The following DOCK4 variants were observed in gnomAD, a reference collection of about 807,000 sequenced individuals.
The protein encoded by DOCK4 is dedicator of cytokinesis 4.
A neutral mutation model predicts 268.1 loss-of-function variants in DOCK4; 97 were observed. That is an observed-to-expected ratio of 0.36 (90% CI 0.31 to 0.43). The LOEUF (loss-of-function observed/expected upper bound fraction) is 0.43, where lower values mean the gene tolerates loss of function less well. Among genes scored for constraint, DOCK4 ranks in the 20% least tolerant of loss-of-function variants. The pLI is 1.00. For synonymous variants in DOCK4, 954 were observed against 887.2 expected, an observed-to-expected ratio of 1.08 and a Z score of -1.34; for missense variants, 2,145 against 2,455.7, an observed-to-expected ratio of 0.87 and a Z score of 2.67.
intron 52 of DOCK4, among the ~76,000 whole-genome samples, chr7:111,731,129 A>G (rs1048712720): frequency 6.6e-6 from 1 of 152,216 alleles, no homozygotes; most frequent in Non-Finnish European, 1.5e-5. Flanking sequence ...GTACTTCATA[A>G]TAACAGCTGC....
At chr7:112,098,115 C>G (rs1810319288) in intron 1 of DOCK4, among the ~76,000 whole-genome samples, 1 of 152,200 alleles carries the variant, frequency 6.6e-6, no homozygotes, top group Non-Finnish European at 1.5e-5. Context: ...CCATATACCT[C>G]TGCTCAAATT....
At chr7:112,160,196 ACT>A (rs1343192331) in intron 1 of DOCK4, among the ~76,000 whole-genome samples, 2 of 151,992 alleles carry the variant, frequency 1.3e-5, no homozygotes, top group Non-Finnish European at 2.9e-5. Context: ...AGTATATCCG[ACT>A]CTGTGACTCA....
intron 1 of DOCK4, among the ~76,000 whole-genome samples, chr7:112,094,533 T>C (rs1314072989): frequency 6.6e-6 from 1 of 152,200 alleles, no homozygotes; most frequent in Admixed American, 6.5e-5. Flanking sequence ...AAATGACAAC[T>C]GCCTATTAAA....
chr7:111,927,036 T>C (rs777567777), intron 12 of DOCK4, among the ~76,000 whole-genome samples: 5 of 152,226 alleles, frequency 3.3e-5, no homozygotes, highest in Admixed American at 6.5e-5. Context: ...TTATTGCTGA[T>C]TGCTTCTTTA....
At chr7:111,789,904 A>C (rs1274524489) in intron 31 of DOCK4, among the ~76,000 whole-genome samples, 1 of 152,218 alleles carries the variant, frequency 6.6e-6, no homozygotes, top group Admixed American at 6.5e-5. Flanking sequence ...TTTTGTAATA[A>C]GCCTGTTTTC....
rs999113478 is a variant in DOCK4 at position 112,159,850 on chromosome 7, TATAC to T, written c.37+46248_37+46251del. On this transcript the variant is annotated intron_variant, in intron 1 of 52. Transcript: ENST00000428084. Reference sequence around the variant, plus strand: ...ATTATGTATATATATACATAATATATATACATAATGTATATACATATACACATAT... The same window carrying T: ...ATTATGTATATATATACATAATATATATAATGTATATACATATACACATAT... 3.5e-5 allele frequency among the ~76,000 whole-genome samples: 5 copies of T among 144,516 alleles called. No homozygotes were observed. In the South Asian group the frequency reaches 1.0e-3, roughly 30 times the overall value. The allele number at this position is 144,516 out of a possible 152,430, so 94.8% of individuals were successfully genotyped here. A position where few individuals can be genotyped will look rare whatever the true frequency, so the allele number is the denominator to read the frequency against.
rs1200938065 is a variant in DOCK4, at chr7:111,981,669, G to A, written c.549+2637C>T. Among the ~76,000 whole-genome samples the A allele has an allele frequency of 5.9e-5, 9 of 152,292 alleles. No individual in the cohort carries two copies. The East Asian group carries it at 1.7e-3, about 29-fold the overall frequency. On this transcript the variant is annotated intron_variant, in intron 7 of 52. Coordinates refer to ENST00000428084, the MANE Select transcript of DOCK4 (RefSeq NM_001363540.2). ...ATAGTCAAGTGCAACCAGCACTGAG[G>A]AGAAAATAAGTTTTCATGTCAAATC...
At chr7:111,856,070 A>G (rs114576223) in intron 23 of DOCK4, among the ~76,000 whole-genome samples, 2,527 of 152,236 alleles carry the variant, frequency 0.017, 67 homozygotes, top group African/African-American at 0.055. Flanking sequence ...GGGAGACAGC[A>G]ATTCCCACTA....
At chr7:112,140,602 C>CAAAAA (rs35430125) in intron 1 of DOCK4, among the ~76,000 whole-genome samples, 1 of 108,382 alleles carries the variant, frequency 9.2e-6, no homozygotes, top group Non-Finnish European at 1.9e-5. Context: ...TGCTCCCCGA[C>CAAAAA]AAAAAAAAAA....
At position 111,822,442 on chromosome 7, in the gene DOCK4, C is replaced by G. The variant is rs774619177; in HGVS notation, c.2850G>C (p.Gln950His). ...TCAATATTCGGAACACAGTAAATAT[C>G]TGCAGCAGGAAATCCTTGGATAAGG... is the stretch of plus-strand genomic sequence containing the variant. ...TKEELRDFLL[Q>H]IFTVFRILIR... Residue 950 changes from glutamine (Q) to histidine (H), a missense_variant, in exon 27 of 53, where the codon CAG (glutamine) becomes CAC (histidine). Transcript: ENST00000428084. 4 of 1,612,814 alleles carry G rather than the reference C, an allele frequency of 2.5e-6. No homozygotes were observed. The highest frequency in any genetic ancestry group is 2.2e-5 in the South Asian group (2 of 90,644).
intron 1 of DOCK4, among the ~76,000 whole-genome samples, chr7:112,118,322 T>C (rs985361022): frequency 3.9e-5 from 6 of 152,174 alleles, no homozygotes; most frequent in Non-Finnish European, 7.3e-5. Flanking sequence ...AATCACTAAG[T>C]AATTTATTGT....
At chr7:112,129,314 A>G (rs560088916) in intron 1 of DOCK4, among the ~76,000 whole-genome samples, 2 of 152,348 alleles carry the variant, frequency 1.3e-5, no homozygotes, top group East Asian at 3.9e-4. Context: ...ACATTCTGGA[A>G]ATGACAAAAT....
intron 1 of DOCK4, among the ~76,000 whole-genome samples, chr7:112,195,808 C>T (rs1820371673): frequency 1.3e-5 from 2 of 152,114 alleles, no homozygotes; most frequent in African/African-American, 2.4e-5. Flanking sequence ...CAGCAAATTT[C>T]TTGGTTTAGG....
intron 16 of DOCK4, among the ~76,000 whole-genome samples, chr7:111,885,411 T>C (rs1054550682): frequency 2.6e-5 from 4 of 152,220 alleles, no homozygotes; most frequent in Non-Finnish European, 5.9e-5. Context: ...AGTGAAGGCA[T>C]GGAGCATGGC....
intron 1 of DOCK4, among the ~76,000 whole-genome samples, chr7:112,029,585 T>G (rs1335621432): frequency 6.6e-6 from 1 of 152,216 alleles, no homozygotes; most frequent in Non-Finnish European, 1.5e-5. Context: ...TGAACCTCCA[T>G]GCTAATTTAA....
intron 1 of DOCK4, among the ~76,000 whole-genome samples, chr7:112,113,886 G>A (rs1449781936): frequency 1.3e-5 from 2 of 151,380 alleles, no homozygotes; most frequent in African/African-American, 4.9e-5. Flanking sequence ...GAGCCACCAT[G>A]CTTCGCCTGG....
At chr7:111,789,401 G>A (rs1799384483) in intron 31 of DOCK4, 1 of 152,500 alleles carries the variant, frequency 6.6e-6, no homozygotes, top group Admixed American at 6.5e-5. Context: ...CTTTATCTAT[G>A]TCTATCTGAG....
At chr7:111,728,843 G>C (rs1794860794) in intron 52 of DOCK4, 123 bp from the exon 53 acceptor site, 2 of 878,164 alleles carry the variant, frequency 2.3e-6, no homozygotes, top group East Asian at 5.3e-5. Flanking sequence ...GGCTGCAGCA[G>C]GAGATGCAGC....
chr7:111,856,613 G>A (rs1478267145), intron 23 of DOCK4, among the ~76,000 whole-genome samples: 1 of 152,212 alleles, frequency 6.6e-6, no homozygotes, highest in Non-Finnish European at 1.5e-5. Context: ...CTGAAAAACT[G>A]TGGAAACTGT....
Sources: gnomAD v4.1 joint callset for allele counts (sites outside exome capture counted in the v4.1 genomes callset) on GRCh38, gnomAD v4.1.1 for gene constraint, MANE v1.5 for transcripts, NCBI Gene and HGNC (gene_info 2026-07-23, HGNC 2026-07-21) for gene names.